TRAPPC9: variants seen among roughly 807,000 people sequenced by gnomAD.
TRAPPC9 encodes IKK2 binding protein.
In TRAPPC9, 83 loss-of-function variants were observed where a neutral mutation model predicts 124.0. The ratio of observed to expected loss-of-function variants is 0.67; its 90% CI spans 0.56 to 0.80. The LOEUF is 0.80. TRAPPC9 is among the 30% of genes least tolerant of loss of function. The pLI, the probability that TRAPPC9 is intolerant of heterozygous loss-of-function variation, is 0.00. For missense variants in TRAPPC9, 1,302 were observed against 1,508.3 expected (o/e 0.86, Z 2.27); for synonymous variants, 638 against 617.5 (o/e 1.03, Z -0.49).
intron 16 of TRAPPC9, among the ~76,000 whole-genome samples, chr8:140,225,166 T>TA (rs1246659727): frequency 3.3e-5 from 5 of 152,366 alleles, no homozygotes; most frequent in African/African-American, 1.2e-4. Context: ...ATGCATGTCT[T>TA]ACATTCCTTC....
chr8:140,272,407 AATG>A (rs2064972343), intron 15 of TRAPPC9, among the ~76,000 whole-genome samples: 1 of 133,354 alleles, frequency 7.5e-6, no homozygotes, highest in African/African-American at 3.0e-5. Context: ...CGATGGTGAT[AATG>A]GTGATGGTGA....
In TRAPPC9 at chr8:139,996,176, A is replaced by G. The variant is rs547116580; in HGVS notation, c.2700-7340T>C. ...ACTTAAGCAAAAAAAAAAAAAAAAA[A>G]AAAAAAGAAAGGAAAGAAAAAAAGA... On this transcript the variant is annotated intron_variant, in intron 18 of 22. Transcript: ENST00000438773. 2.1e-4 allele frequency among the ~76,000 whole-genome samples: 31 copies of G among 144,910 alleles called. 1 individual carries two copies. The highest frequency in any genetic ancestry group is 6.8e-4 in the South Asian group (3 of 4,444).
intron 21 of TRAPPC9, among the ~76,000 whole-genome samples, chr8:139,830,579 C>T (rs1825923971): frequency 2.0e-5 from 3 of 151,498 alleles, no homozygotes; most frequent in African/African-American, 7.3e-5. Flanking sequence ...CATGCACACA[C>T]ATACACATGC....
rs1049036015 is a variant in TRAPPC9 at position 139,994,672 on chromosome 8, C to T, written c.2700-5836G>A. On this transcript the variant is annotated intron_variant, in intron 18 of 22. Transcript: ENST00000438773. ...TTAAGTGAGTCTCTTGACATTAACA[C>T]GGATGTTTTAAAATGACTTCAGATC... is the stretch of plus-strand genomic sequence containing the variant. 1.2e-4 allele frequency among the ~76,000 whole-genome samples: 19 copies of T among 152,186 alleles called. 1 individual carries two copies. Among genetic ancestry groups the T allele is most frequent in the Admixed American group, 9.8e-4 (15 of 15,298 alleles).
Position 140,451,207 on chromosome 8 carries a change from C to T in TRAPPC9, c.167G>A (p.Arg56His), listed in dbSNP as rs2071448133. ...VRDSQRVLYI[R>H]YRHHYPPENN... is the part of the protein sequence containing the mutation. ...CTCGGGTGGGTAGTGGTGCCTGTAGCGGATGTAGAGGACTCGCTGGGAGTC... is the reference window on the plus strand; with the variant it reads ...CTCGGGTGGGTAGTGGTGCCTGTAGTGGATGTAGAGGACTCGCTGGGAGTC... Residue 56 changes from arginine (R) to histidine (H), a missense_variant, in exon 2 of 23, where the codon CGC becomes CAC. By Grantham distance (29) the Arg-to-His change is conservative. Transcript: ENST00000438773. 1 of 1,614,096 alleles carries T rather than the reference C, an allele frequency of 6.2e-7. No individual in the cohort carries two copies. Among genetic ancestry groups the T allele is most frequent in the Non-Finnish European group, 8.5e-7 (1 of 1,180,028 alleles).
chr8:140,126,010 G>A (rs1333887556), intron 17 of TRAPPC9, among the ~76,000 whole-genome samples: 5 of 152,102 alleles, frequency 3.3e-5, no homozygotes, highest in African/African-American at 1.2e-4. Context: ...TTGACTTTGT[G>A]ATCCGCCAGC....
rs944670398 is a variant in TRAPPC9 at position 139,825,882 on chromosome 8, C to G, written c.3055+59997G>C. Among the ~76,000 whole-genome samples the G allele has an allele frequency of 6.6e-6, 1 of 152,080 alleles. No individual in the cohort carries two copies. The highest frequency in any genetic ancestry group is 1.5e-5 in the Non-Finnish European group (1 of 68,018). On this transcript the variant is annotated intron_variant, in intron 21 of 22. Transcript: ENST00000438773. This position sits in a 1 kb window ranked among gnomAD's most constrained non-coding sequence, Gnocchi z 4.6. The stretch of plus-strand genomic sequence containing the variant: ...CATGGGTTCCTGAATCAGAATATTT[C>G]CTGTGCAAAGCGCCATGCCAGGCTC...
chr8:139,874,061 C>A (rs754799262), intron 21 of TRAPPC9, among the ~76,000 whole-genome samples: 2 of 152,230 alleles, frequency 1.3e-5, no homozygotes, highest in Non-Finnish European at 2.9e-5. Flanking sequence ...AGGCTGGCCA[C>A]AGGCACGCAC....
intron 13 of TRAPPC9, 47 bp downstream of exon 13, chr8:140,287,561 G>T (rs776992459): frequency 5.0e-6 from 8 of 1,613,442 alleles, no homozygotes; most frequent in East Asian, 2.2e-5. Context: ...CCATGCAAGG[G>T]TTCAGCAGAC....
chr8:139,921,951 G>C (rs1326823488), intron 19 of TRAPPC9, among the ~76,000 whole-genome samples: 1 of 150,640 alleles, frequency 6.6e-6, no homozygotes, highest in South Asian at 2.1e-4. Flanking sequence ...CCTCATCCAG[G>C]GGTGTGCACA....
At chr8:140,276,741 A>AAC (rs2065136125) in intron 14 of TRAPPC9, among the ~76,000 whole-genome samples, 1 of 152,058 alleles carries the variant, frequency 6.6e-6, no homozygotes, top group Non-Finnish European at 1.5e-5. Context: ...GGTGAGGTTA[A>AAC]ACACACACAC....
chr8:140,060,583 C>A (rs1842546282), intron 17 of TRAPPC9, among the ~76,000 whole-genome samples: 1 of 151,028 alleles, frequency 6.6e-6, no homozygotes, highest in Non-Finnish European at 1.5e-5. Flanking sequence ...CCTACCCATC[C>A]CTACCCAACC....
chr8:139,926,260 G>A (rs1292324914), intron 19 of TRAPPC9, among the ~76,000 whole-genome samples: 1 of 152,198 alleles, frequency 6.6e-6, no homozygotes, highest in African/African-American at 2.4e-5. Context: ...CTTAAGGTCT[G>A]AACCTAACTG....
At position 140,020,040 on chromosome 8, in the gene TRAPPC9, AT is replaced by A. The variant is rs541868103; in HGVS notation, c.2699+3896del. Reference sequence around the variant, plus strand: ...TGTATGTTTTATGATTTTTAATAATATTATCTTATTATCCTTTTAATGTCTG... The same window carrying A: ...TGTATGTTTTATGATTTTTAATAATATATCTTATTATCCTTTTAATGTCTG... On this transcript the variant is annotated intron_variant, in intron 18 of 22. Coordinates refer to ENST00000438773, the MANE Select transcript of TRAPPC9 (RefSeq NM_001160372.4). 2.0e-5 allele frequency among the ~76,000 whole-genome samples: 3 copies of A among 152,052 alleles called. No homozygotes were observed. In the South Asian group the frequency reaches 6.2e-4, roughly 32 times the overall value.
chr8:139,923,264 T>C (rs1268935774), intron 19 of TRAPPC9, among the ~76,000 whole-genome samples: 5 of 152,220 alleles, frequency 3.3e-5, no homozygotes, highest in Non-Finnish European at 7.3e-5. Context: ...TCGACAGAAA[T>C]CTTTCCATGT....
intron 17 of TRAPPC9, among the ~76,000 whole-genome samples, chr8:140,163,615 G>T (rs1377136455): frequency 6.6e-6 from 1 of 152,204 alleles, no homozygotes; most frequent in Non-Finnish European, 1.5e-5. Flanking sequence ...ATCTCACATG[G>T]CAGCCAGCAT....
intron 16 of TRAPPC9, among the ~76,000 whole-genome samples, chr8:140,237,885 G>A (rs1451521611): frequency 6.6e-6 from 1 of 152,176 alleles, no homozygotes; most frequent in Non-Finnish European, 1.5e-5. Context: ...TGGCAAAGAT[G>A]AGAAATGACA....
Position 139,728,037 on chromosome 8 carries a change from T to C in TRAPPC9, c.*3024A>G, listed in dbSNP as rs921279660. Among the ~76,000 whole-genome samples the C allele has an allele frequency of 1.3e-5, 2 of 152,116 alleles. No individual in the cohort carries two copies. The highest frequency in any genetic ancestry group is 3.4e-3 in the Middle Eastern group (1 of 294). On this transcript the variant is annotated 3_prime_UTR_variant, in exon 23 of 23. Transcript: ENST00000438773. ...TGCTATCATGTGCTAAAAAAAAATC[T>C]AGGAGGTTAAATCAAATAAACTGAT... is the stretch of plus-strand genomic sequence containing the variant.
chr8:140,407,785 C>A (rs537632774), intron 5 of TRAPPC9, among the ~76,000 whole-genome samples: 50 of 152,198 alleles, frequency 3.3e-4, no homozygotes, highest in African/African-American at 1.2e-3. Context: ...GCAAGCCCCA[C>A]TAATTTTTGT....
Sources: gnomAD v4.1 joint callset for allele counts (sites outside exome capture counted in the v4.1 genomes callset) on GRCh38, gnomAD v4.1.1 for gene constraint, Gnocchi (gnomAD v3.1) non-coding constraint, MANE v1.5 for transcripts, NCBI Gene and HGNC (gene_info 2026-07-23, HGNC 2026-07-21) for gene names.